C2: variants seen among roughly 807,000 people sequenced by gnomAD.
The protein encoded by C2 is C3/C5 convertase.
In C2, 64 loss-of-function variants were observed where a neutral mutation model predicts 85.2. That is an observed-to-expected ratio of 0.75 (90% confidence interval 0.61 to 0.92). The LOEUF (loss-of-function observed/expected upper bound fraction) is 0.92, where lower values mean the gene tolerates loss of function less well. Ranked by LOEUF, C2 falls within the 40% of genes least tolerant of loss-of-function variation. The pLI, the probability that C2 is intolerant of heterozygous loss-of-function variation, is 0.00. For missense variants in C2, 820 were observed against 971.6 expected (o/e 0.84, Z 2.07); for synonymous variants, 311 against 370.8 (o/e 0.84, Z 1.85).
upstream of C2, chr6:31,900,103 G>A (rs770658305): frequency 1.2e-6 from 2 of 1,612,628 alleles, no homozygotes; most frequent in Non-Finnish European, 1.7e-6. This position sits in a 1 kb window ranked among gnomAD's most constrained non-coding sequence, Gnocchi z 9.7. Flanking sequence ...GGTCGTGAAG[G>A]GTGGACTTCT....
At chr6:31,927,608 A>C (rs150299426), upstream of C2, 555 of 1,586,282 alleles carry the variant, frequency 3.5e-4, 2 homozygotes, top group East Asian at 0.012. The surrounding 1 kb of genome is among the most constrained non-coding windows in gnomAD (Gnocchi z 4.7). Flanking sequence ...TTTCCCTAAC[A>C]GAAGACCATC....
At chr6:31,905,550 T>TA (rs1767658256) in intron 1 of C2, among the ~76,000 whole-genome samples, 1 of 151,928 alleles carries the variant, frequency 6.6e-6, no homozygotes, top group African/African-American at 2.4e-5. Flanking sequence ...GAGGATCACT[T>TA]AAGGCCGGGA....
chr6:31,944,832 G>A lies in C2; in HGVS notation c.2008G>A (p.Glu670Lys), dbSNP rs746257765. 18 of 1,613,082 alleles carry A rather than the reference G, an allele frequency of 1.1e-5. No homozygotes were observed. In the East Asian group the frequency reaches 3.3e-4, roughly 30 times the overall value. The change falls in exon 16 of 18, where the codon GAG becomes AAG. Residue 670 changes from glutamate (E) to lysine (K), a missense_variant. Physicochemically the swap from Glu to Lys is moderately conservative, Grantham distance 56. Transcript: ENST00000299367. The surrounding 1 kb of genome is among the most constrained non-coding windows in gnomAD (Gnocchi z 5.1). ...CCAGTTCCTATGCAGTGGGACCCAGGAGGATGAGAGTCCCTGCAAGGGTGA... is the reference window on the plus strand; with the variant it reads ...CCAGTTCCTATGCAGTGGGACCCAGAAGGATGAGAGTCCCTGCAAGGGTGA... Reference protein sequence around the residue: ...TDQFLCSGTQEDESPCKGESG... With the variant: ...TDQFLCSGTQKDESPCKGESG...
rs1771225851 is a variant in C2 at position 31,944,777 on chromosome 6, C to T, written c.1953C>T (p.Asn651=). ...VVSQEKTMFP[N]LTDVREVVTD... ...CCCAAGAAAAAACCATGTTCCCCAA[C>T]TTGACAGATGTCAGGGAGGTGGTGA... The change falls in exon 16 of 18, where the codon AAC becomes AAT. Residue 651 remains asparagine, a synonymous_variant. Coordinates refer to ENST00000299367, the MANE Select transcript of C2 (RefSeq NM_000063.6). This position sits in a 1 kb window ranked among gnomAD's most constrained non-coding sequence, Gnocchi z 5.1. 1 of 1,612,992 alleles carries T rather than the reference C, an allele frequency of 6.2e-7. No individual in the cohort carries two copies. Among genetic ancestry groups the T allele is most frequent in the African/African-American group, 1.3e-5 (1 of 74,940 alleles).
rs962741592 is a variant in C2, at chr6:31,922,188, G to A, written c.-100+2162G>A. 1.3e-5 allele frequency among the ~76,000 whole-genome samples: 2 copies of A among 152,132 alleles called. No individual in the cohort carries two copies. The highest frequency in any genetic ancestry group is 4.8e-5 in the African/African-American group (2 of 41,418). On this transcript the variant is annotated intron_variant, in intron 1 of 3. Coordinates refer to the C2 transcript ENST00000413154. This position sits in a 1 kb window ranked among gnomAD's most constrained non-coding sequence, Gnocchi z 4.8. ...GAGCACCCCAGTGATAAGGCCCAAG[G>A]GATATGGTGGGGCAAGGACAGATCC...
chr6:31,936,169 C>A, intron 7 of C2, 108 bp downstream of exon 7: 4 of 1,218,708 alleles, frequency 3.3e-6, no homozygotes, highest in Non-Finnish European at 3.5e-6. Flanking sequence ...CTCTTGGTGG[C>A]ACCTGAGTCC....
Position 31,944,261 on chromosome 6 carries a change from CT to C in C2, c.1902+36del. 7.4e-7 allele frequency: 1 copy of C among 1,345,608 alleles called. No homozygotes were observed. The highest frequency in any genetic ancestry group is 1.1e-6 in the Non-Finnish European group (1 of 936,170). 83.4% of individuals were successfully genotyped at this position (1,345,608 alleles called of 1,614,324 possible). On this transcript the variant is annotated intron_variant, in intron 15 of 17. Coordinates refer to ENST00000299367, the MANE Select transcript of C2 (RefSeq NM_000063.6). The surrounding 1 kb of genome is among the most constrained non-coding windows in gnomAD (Gnocchi z 5.1). ...TCAGGTTGGGGATGCTGGGATCCCC[CT>C]GTGACAGCTCCCAGAATGTCTCTCT...
At chr6:31,903,888 T>C (rs1327643281) in intron 1 of C2, among the ~76,000 whole-genome samples, 1 of 152,002 alleles carries the variant, frequency 6.6e-6, no homozygotes, top group Non-Finnish European at 1.5e-5. Context: ...GAGTCTGTTC[T>C]AAACTGCTCT....
chr6:31,937,403 G>T lies in C2; in HGVS notation c.1073G>T (p.Gly358Val). The change falls in exon 8 of 18, where the codon GGC (glycine) becomes GTC (valine). Residue 358 changes from glycine (G) to valine (V), a missense_variant. Gly to Val is a moderately radical substitution (Grantham distance 109). Transcript: ENST00000299367. Reference sequence around the variant, plus strand: ...ATGAACAACCAAATGCGACTCCTCGGCATGGAAACGATGGCCTGGCAGGAA... The same window carrying T: ...ATGAACAACCAAATGCGACTCCTCGTCATGGAAACGATGGCCTGGCAGGAA... ...LMMNNQMRLLGMETMAWQEIR... is the reference protein window; with the variant it reads ...LMMNNQMRLLVMETMAWQEIR... The T allele has an allele frequency of 3.1e-6, 5 of 1,612,706 alleles. No individual in the cohort carries two copies. The highest frequency in any genetic ancestry group is 3.4e-6 in the Non-Finnish European group (4 of 1,179,980).
chr6:31,907,841 C>CTT (rs9281622), intron 1 of C2, among the ~76,000 whole-genome samples: 39,325 of 67,930 alleles, frequency 0.58, 12,637 homozygotes, highest in African/African-American at 0.75. Context: ...CCACTTCTGG[C>CTT]TTTTTTTTTT....
At position 31,937,377 on chromosome 6, in the gene C2, G is replaced by A. The variant is rs1052827440; in HGVS notation, c.1047G>A (p.Met349Ile). The change falls in exon 8 of 18, where the codon ATG (methionine) becomes ATA (isoleucine). Residue 349 changes from methionine (M) to isoleucine (I), a missense_variant. Met to Ile is a conservative substitution (Grantham distance 10, BLOSUM62 1). Coordinates refer to ENST00000299367, the MANE Select transcript of C2 (RefSeq NM_000063.6). ...CGGCCTTAAACAGTGTCTATCTCAT[G>A]ATGAACAACCAAATGCGACTCCTCG... ...TYAALNSVYL[M>I]MNNQMRLLGM... 8.1e-6 allele frequency: 13 copies of A among 1,612,844 alleles called. No homozygotes were observed. Among genetic ancestry groups the A allele is most frequent in the Non-Finnish European group, 1.1e-5 (13 of 1,179,992 alleles).
rs755370842 is a variant in C2 at position 31,945,204 on chromosome 6, C to T, written c.2106C>T (p.Tyr702=). The change falls in exon 18 of 18, where the codon TAC becomes TAT. Residue 702 remains tyrosine (Y), a synonymous_variant. Transcript: ENST00000299367. This position sits in a 1 kb window ranked among gnomAD's most constrained non-coding sequence, Gnocchi z 5.3. Reference sequence around the variant, plus strand: ...TGGGTCTGGTGAGCTGGGGTCTTTACAACCCCTGCCTTGGCTCTGCTGACA... The same window carrying T: ...TGGGTCTGGTGAGCTGGGGTCTTTATAACCCCTGCCTTGGCTCTGCTGACA... ...FQVGLVSWGL[Y]NPCLGSADKN... The T allele has an allele frequency of 6.2e-7, 1 of 1,612,942 alleles. No homozygotes were observed. Among genetic ancestry groups the T allele is most frequent in the South Asian group, 1.1e-5 (1 of 91,072 alleles).
chr6:31,936,918 T>C (rs531617614), intron 7 of C2: 59 of 221,268 alleles, frequency 2.7e-4, no homozygotes, highest in Non-Finnish European at 4.5e-4. Context: ...AATCGATAAA[T>C]TGCATTTCCA....
chr6:31,941,815 T>TTTA (rs1491281220), intron 9 of C2: 1 of 38,852 alleles, frequency 2.6e-5, no homozygotes, highest in East Asian at 6.0e-4. Flanking sequence ...GCCAGTTCAC[T>TTTA]TTTTTTTTTT....
At chr6:31,940,128 G>C (rs879768705) in intron 9 of C2, among the ~76,000 whole-genome samples, 3 of 152,152 alleles carry the variant, frequency 2.0e-5, no homozygotes, top group Non-Finnish European at 4.4e-5. Flanking sequence ...TTTAGACAGA[G>C]AACCTTGGTT....
intron 6 of C2, chr6:31,934,884 C>A: frequency 4.3e-6 from 1 of 232,262 alleles, no homozygotes; most frequent in Non-Finnish European, 7.1e-6. Flanking sequence ...TGGCGCACGC[C>A]TGTAACCCAG....
chr6:31,909,757 T>C (rs766596647), intron 1 of C2, among the ~76,000 whole-genome samples: 8 of 151,998 alleles, frequency 5.3e-5, no homozygotes, highest in Non-Finnish European at 1.2e-4. Context: ...ATGTTAAACC[T>C]TTTGAGGAAC....
At position 31,928,029 on chromosome 6, in the gene C2, T is replaced by A. The variant is rs201909990; in HGVS notation, c.121T>A (p.Trp41Arg). 6.2e-7 allele frequency: 1 copy of A among 1,614,188 alleles called. No homozygotes were observed. The highest frequency in any genetic ancestry group is 8.5e-7 in the Non-Finnish European group (1 of 1,180,020). ...TGGCACCTTCACCCTCAGCCATGGC[T>A]GGGCTCCTGGGAGCCTTCTCACCTA... ...SGGTFTLSHG[W>R]APGSLLTYSC... is the part of the protein sequence containing the mutation. Residue 41 changes from tryptophan (W) to arginine (R), a missense_variant, in exon 2 of 18, where the codon TGG (tryptophan) becomes AGG (arginine). Transcript: ENST00000299367.
At chr6:31,942,675 G>T (rs1337982748) in intron 9 of C2, among the ~76,000 whole-genome samples, 1 of 152,222 alleles carries the variant, frequency 6.6e-6, no homozygotes, top group African/African-American at 2.4e-5. Flanking sequence ...CCATGTGGAA[G>T]TCTGGGGGGG....
Sources: gnomAD v4.1 joint callset for allele counts (sites outside exome capture counted in the v4.1 genomes callset) on GRCh38, gnomAD v4.1.1 for gene constraint, Gnocchi (gnomAD v3.1) non-coding constraint, MANE v1.5 for transcripts, NCBI Gene and HGNC (gene_info 2026-07-23, HGNC 2026-07-21) for gene names.